The following NRXN3 variants were observed in gnomAD, a reference collection of about 807,000 sequenced individuals.
NRXN3 encodes the protein neurexin III.
In NRXN3, 32 loss-of-function variants were observed where a neutral mutation model predicts 137.6. The observed-to-expected ratio is 0.23, with a 90% CI of 0.18 to 0.31. The LOEUF is 0.31. Ranked by LOEUF, NRXN3 falls within the 10% of genes least tolerant of loss-of-function variation. NRXN3 has a pLI of 1.00. For missense variants in NRXN3, 1,574 were observed against 2,062.5 expected, an observed-to-expected ratio of 0.76 and a Z score of 4.59; for synonymous variants, 798 against 784.5, an observed-to-expected ratio of 1.02 and a Z score of -0.29.
intron 15 of NRXN3, among the ~76,000 whole-genome samples, chr14:79,324,261 A>G (rs2090526026): frequency 6.6e-6 from 1 of 152,254 alleles, no homozygotes; most frequent in East Asian, 1.9e-4. Flanking sequence ...GATAACTGAC[A>G]TGGGAGGTGT....
intron 4 of NRXN3, among the ~76,000 whole-genome samples, chr14:78,359,353 G>C (rs1346160368): frequency 6.6e-6 from 1 of 152,200 alleles, no homozygotes; most frequent in Admixed American, 6.5e-5. Flanking sequence ...CTAATGTACA[G>C]CCAGGCAGGG....
chr14:79,295,198 C>A (rs1054920441), intron 15 of NRXN3, among the ~76,000 whole-genome samples: 2 of 151,976 alleles, frequency 1.3e-5, no homozygotes, highest in Non-Finnish European at 2.9e-5. Flanking sequence ...TTGAATATAT[C>A]AATCTTGCTA....
At chr14:78,765,702 G>T (rs2098706661) in intron 8 of NRXN3, among the ~76,000 whole-genome samples, 2 of 151,878 alleles carry the variant, frequency 1.3e-5, no homozygotes, top group Non-Finnish European at 2.9e-5. Flanking sequence ...TTCATTAAAT[G>T]TTTGTTAAGT....
intron 15 of NRXN3, among the ~76,000 whole-genome samples, chr14:79,249,867 A>G (rs140632471): frequency 0.015 from 2,225 of 152,334 alleles, 17 homozygotes; most frequent in South Asian, 0.031. Flanking sequence ...GGAATCTTTG[A>G]CTATAAAAAT....
intron 15 of NRXN3, among the ~76,000 whole-genome samples, chr14:79,250,490 T>G (rs2075783664): frequency 6.6e-6 from 1 of 152,214 alleles, no homozygotes; most frequent in Non-Finnish European, 1.5e-5. Context: ...AACCTTTGCT[T>G]GTTTAATTCT....
At chr14:78,260,216 G>T (rs962893788) in intron 2 of NRXN3, among the ~76,000 whole-genome samples, 1 of 152,188 alleles carries the variant, frequency 6.6e-6, no homozygotes, top group Non-Finnish European at 1.5e-5. Flanking sequence ...AGACATATGT[G>T]TAACAGTGGT....
chr14:79,814,335 C>G (rs1181216289), intron 20 of NRXN3, among the ~76,000 whole-genome samples: 2 of 152,198 alleles, frequency 1.3e-5, no homozygotes, highest in Non-Finnish European at 1.5e-5. Context: ...TGATTCTGTT[C>G]TCTGTAAGAT....
intron 15 of NRXN3, among the ~76,000 whole-genome samples, chr14:79,100,291 A>G (rs966491727): frequency 1.3e-5 from 2 of 152,180 alleles, no homozygotes; most frequent in Admixed American, 6.5e-5. Context: ...CTAGGGTAGT[A>G]TTTTCAAAAA....
At chr14:79,327,825 A>G (rs2091122355) in intron 15 of NRXN3, among the ~76,000 whole-genome samples, 1 of 152,236 alleles carries the variant, frequency 6.6e-6, no homozygotes, top group South Asian at 2.1e-4. Context: ...GGCTCACAGC[A>G]TGGCATTTGG....
chr14:78,941,466 C>G lies in NRXN3; in HGVS notation c.2276-15776C>G, dbSNP rs73325316. On this transcript the variant is annotated intron_variant, in intron 10 of 20. Transcript: ENST00000335750. Reference sequence around the variant, plus strand: ...TTCTCACCCAGTCTAAGTATCAGTTCCAAGAAGCATTTCTAGTTCCTCTAC... The same window carrying G: ...TTCTCACCCAGTCTAAGTATCAGTTGCAAGAAGCATTTCTAGTTCCTCTAC... Among the ~76,000 whole-genome samples, 933 of 152,262 alleles carry G rather than the reference C, an allele frequency of 6.1e-3. 14 individuals carry two copies. The highest frequency in any genetic ancestry group is 0.021 in the African/African-American group (882 of 41,568).
intron 19 of NRXN3, among the ~76,000 whole-genome samples, chr14:79,709,106 G>A (rs957477990): frequency 3.9e-5 from 6 of 152,088 alleles, no homozygotes; most frequent in Non-Finnish European, 5.9e-5. Flanking sequence ...ATTAAGCACA[G>A]ATTTTAATGC....
intron 15 of NRXN3, among the ~76,000 whole-genome samples, chr14:79,442,732 GA>G (rs1180522405): frequency 2.0e-5 from 3 of 152,162 alleles, no homozygotes; most frequent in African/African-American, 7.2e-5. Flanking sequence ...CACAAAGCCT[GA>G]TTTGCTGATT....
intron 4 of NRXN3, among the ~76,000 whole-genome samples, chr14:78,355,545 A>C (rs1053177806): frequency 6.6e-6 from 1 of 152,078 alleles, no homozygotes; most frequent in African/African-American, 2.4e-5. Context: ...CAGCCTGCCA[A>C]GTAGCTGGGA....
chr14:78,291,042 C>T (rs576409017), intron 3 of NRXN3, among the ~76,000 whole-genome samples: 23 of 152,252 alleles, frequency 1.5e-4, no homozygotes, highest in African/African-American at 5.3e-4. Flanking sequence ...TTCCCAGGGC[C>T]CTTTAAACCA....
At chr14:79,799,157 G>A (rs1440782637) in intron 19 of NRXN3, among the ~76,000 whole-genome samples, 1 of 152,156 alleles carries the variant, frequency 6.6e-6, no homozygotes, top group Non-Finnish European at 1.5e-5. Flanking sequence ...TTTATTGAAA[G>A]TTATTATAAT....
At chr14:79,053,723 G>A (rs2099646403) in intron 15 of NRXN3, among the ~76,000 whole-genome samples, 1 of 152,038 alleles carries the variant, frequency 6.6e-6, no homozygotes, top group African/African-American at 2.4e-5. Context: ...TAAGGGAAAA[G>A]AGGGTGAAAG....
chr14:78,669,188 A>G (rs1248852688), intron 6 of NRXN3, among the ~76,000 whole-genome samples: 2 of 152,214 alleles, frequency 1.3e-5, no homozygotes, highest in Non-Finnish European at 2.9e-5. Flanking sequence ...TAGCGTCAGT[A>G]AAGTCACAAA....
chr14:78,833,452 C>T (rs1051408944), intron 10 of NRXN3, among the ~76,000 whole-genome samples: 3 of 152,124 alleles, frequency 2.0e-5, no homozygotes, highest in African/African-American at 7.2e-5. Flanking sequence ...AGGTGAACAT[C>T]CCTTGGACTG....
At chr14:78,519,020 A>C (rs1283725238) in intron 4 of NRXN3, among the ~76,000 whole-genome samples, 1 of 152,132 alleles carries the variant, frequency 6.6e-6, no homozygotes. Context: ...CTATAAAGAA[A>C]TATTCCTTTC....
Sources: allele counts gnomAD v4.1 joint callset (sites outside exome capture counted in the v4.1 genomes callset), GRCh38; gene constraint gnomAD v4.1.1; transcripts MANE v1.5; gene names NCBI Gene and HGNC (gene_info 2026-07-23, HGNC 2026-07-21).